KAZN: variants seen among roughly 807,000 people sequenced by gnomAD.
The protein encoded by KAZN is kazrin.
In KAZN, 40 loss-of-function variants were observed where a neutral mutation model predicts 87.4. That is an observed-to-expected ratio of 0.46 (90% CI 0.36 to 0.60). The LOEUF (loss-of-function observed/expected upper bound fraction) is 0.60. Among genes scored for constraint, KAZN ranks in the 20% least tolerant of loss-of-function variants. The pLI is 0.00. For synonymous variants in KAZN, 466 were observed against 458.3 expected (o/e 1.02, Z -0.22); for missense variants, 898 against 1,073.9 (o/e 0.84, Z 2.29).
At chr1:14,644,471 C>T (rs956971028) in intron 1 of KAZN, among the ~76,000 whole-genome samples, 1 of 151,782 alleles carries the variant, frequency 6.6e-6, no homozygotes, top group Non-Finnish European at 1.5e-5. Context: ...ACGCCATGCT[C>T]CTGCCTCAGC....
chr1:15,063,660 C>G, intron 7 of KAZN, 38 bp downstream of exon 7: 1 of 1,519,592 alleles, frequency 6.6e-7, no homozygotes. Flanking sequence ...ACCCTCCCTC[C>G]ACCCCACCTT....
chr1:14,361,598 G>C (rs889295964), intron 2 of KAZN, among the ~76,000 whole-genome samples: 6 of 152,240 alleles, frequency 3.9e-5, no homozygotes, highest in Non-Finnish European at 8.8e-5. Context: ...AGAATCTCCT[G>C]GTCTGTGGGT....
intron 1 of KAZN, among the ~76,000 whole-genome samples, chr1:14,610,192 C>CTGTTTGTTTGTTTGTT (rs59330567): frequency 6.6e-6 from 1 of 151,202 alleles, no homozygotes; most frequent in Non-Finnish European, 1.5e-5. Context: ...TTCCAATGAC[C>CTGTTTGTTTGTTTGTT]TGTTTGTTTG....
intron 2 of KAZN, among the ~76,000 whole-genome samples, chr1:14,314,123 A>G (rs1289837439): frequency 6.6e-6 from 1 of 152,152 alleles, no homozygotes; most frequent in East Asian, 1.9e-4. Flanking sequence ...TTCTTTCCAC[A>G]TCTTTACATG....
At chr1:14,468,614 C>G (rs952132986) in intron 2 of KAZN, among the ~76,000 whole-genome samples, 1 of 152,058 alleles carries the variant, frequency 6.6e-6, no homozygotes, top group Non-Finnish European at 1.5e-5. Flanking sequence ...CAGGAAGAAC[C>G]GGGAAGAACA....
At chr1:14,088,621 A>G (rs1570709724) in intron 1 of KAZN, among the ~76,000 whole-genome samples, 1 of 152,092 alleles carries the variant, frequency 6.6e-6, no homozygotes, top group East Asian at 1.9e-4. Flanking sequence ...GTTGGACAGG[A>G]TGGTCTATAA....
intron 2 of KAZN, among the ~76,000 whole-genome samples, chr1:14,259,471 A>T (rs1650841003): frequency 1.3e-5 from 2 of 152,096 alleles, no homozygotes; most frequent in Admixed American, 1.3e-4. Flanking sequence ...TTAACAGTCC[A>T]ACCCTCTGAG....
intron 1 of KAZN, among the ~76,000 whole-genome samples, chr1:14,805,887 G>C (rs370543304): frequency 7.2e-5 from 11 of 152,194 alleles, no homozygotes; most frequent in African/African-American, 2.4e-4. Flanking sequence ...GCACTTGAAG[G>C]GGGTGTACAT....
At chr1:14,114,089 T>C (rs981489552) in intron 1 of KAZN, among the ~76,000 whole-genome samples, 2 of 152,174 alleles carry the variant, frequency 1.3e-5, no homozygotes, top group Non-Finnish European at 2.9e-5. Context: ...TTTTAAGAGG[T>C]GCAGTCAGCC....
At chr1:14,831,949 C>G (rs1353312050) in intron 1 of KAZN, among the ~76,000 whole-genome samples, 2 of 152,228 alleles carry the variant, frequency 1.3e-5, no homozygotes, top group South Asian at 2.1e-4. Flanking sequence ...ACTCGCAGCA[C>G]TTTGGGAGGC....
chr1:15,085,002 G>C (rs1345353920), intron 8 of KAZN, among the ~76,000 whole-genome samples: 3 of 151,958 alleles, frequency 2.0e-5, no homozygotes, highest in African/African-American at 7.3e-5. Flanking sequence ...TGTCTCACAA[G>C]ACCAGGAAAA....
chr1:14,961,463 C>A (rs1663858593), intron 2 of KAZN, among the ~76,000 whole-genome samples: 1 of 152,198 alleles, frequency 6.6e-6, no homozygotes, highest in Non-Finnish European at 1.5e-5. Context: ...TGTCCACATG[C>A]TCAGCCTGGT....
At chr1:14,519,115 C>T (rs1671446135) in intron 2 of KAZN, among the ~76,000 whole-genome samples, 1 of 152,010 alleles carries the variant, frequency 6.6e-6, no homozygotes, top group African/African-American at 2.4e-5. Flanking sequence ...TCAGCATGGA[C>T]TGCCTATGAT....
At chr1:14,475,733 A>G (rs369181979) in intron 2 of KAZN, among the ~76,000 whole-genome samples, 1 of 152,180 alleles carries the variant, frequency 6.6e-6, no homozygotes, top group Admixed American at 6.5e-5. Context: ...GAATAATTAA[A>G]CTTTTTAGAA....
intron 2 of KAZN, among the ~76,000 whole-genome samples, chr1:15,029,326 G>A (rs1267296422): frequency 3.9e-5 from 6 of 152,204 alleles, no homozygotes; most frequent in African/African-American, 7.2e-5. Flanking sequence ...CAAGCCTGGC[G>A]TACAGTAGGT....
intron 2 of KAZN, among the ~76,000 whole-genome samples, chr1:14,981,023 C>G (rs937162935): frequency 2.6e-5 from 4 of 152,148 alleles, no homozygotes; most frequent in African/African-American, 9.7e-5. Flanking sequence ...TCCAGTGGAG[C>G]ACCGTGCTCC....
intron 2 of KAZN, among the ~76,000 whole-genome samples, chr1:14,422,874 A>G (rs1665513696): frequency 6.6e-6 from 1 of 152,190 alleles, no homozygotes; most frequent in African/African-American, 2.4e-5. Flanking sequence ...TAATTTCCCT[A>G]TGGAAGCTCA....
At chr1:14,546,434 CT>C (rs146320531) in intron 2 of KAZN, among the ~76,000 whole-genome samples, 2,880 of 151,050 alleles carry the variant, frequency 0.019, 36 homozygotes, top group Non-Finnish European at 0.029. Context: ...ATGTGAGGGC[CT>C]TTTTTTTTCC....
At chr1:14,826,346 A>ATG (rs1646885094) in intron 1 of KAZN, among the ~76,000 whole-genome samples, 1 of 152,208 alleles carries the variant, frequency 6.6e-6, no homozygotes, top group Admixed American at 6.5e-5. Context: ...CGTTGGCCAT[A>ATG]TGGATTTATT....
Sources: allele counts gnomAD v4.1 joint callset (sites outside exome capture counted in the v4.1 genomes callset), GRCh38; gene constraint gnomAD v4.1.1; transcripts MANE v1.5; gene names NCBI Gene and HGNC (gene_info 2026-07-23, HGNC 2026-07-21).